Variants in CPLANE1 observed in about 807,000 individuals in gnomAD.
CPLANE1 encodes ciliogenesis and planar polarity effector complex subunit 1, also known as ciliogenesis and planar polarity effector 1.
A neutral mutation model predicts 362.5 loss-of-function variants in CPLANE1; 263 were observed. That is an observed-to-expected ratio of 0.73 (90% CI 0.66 to 0.80). The LOEUF is 0.80. Among genes scored for constraint, CPLANE1 ranks in the 30% least tolerant of loss-of-function variants. The pLI, the probability that CPLANE1 is intolerant of heterozygous loss-of-function variation, is 0.00. For synonymous variants in CPLANE1, 1,212 were observed against 1,302.6 expected (o/e 0.93, Z 1.50); for missense variants, 3,461 against 3,793.4 (o/e 0.91, Z 2.30).
intron 16 of CPLANE1, among the ~76,000 whole-genome samples, chr5:37,208,680 C>G (rs13356615): frequency 0.15 from 17,226 of 114,136 alleles, 1,233 homozygotes; most frequent in African/African-American, 0.23. Flanking sequence ...CTGTCTCCCC[C>G]CCCCCCCAAA....
At chr5:37,224,840 C>A in intron 12 of CPLANE1, 100 bp from the exon 13 acceptor site, 1 of 681,054 alleles carries the variant, frequency 1.5e-6, no homozygotes, top group Non-Finnish European at 2.5e-6. Flanking sequence ...TATTCTTCAT[C>A]GGTATAACAT....
rs138088605 is a variant in CPLANE1 at position 37,169,486 on chromosome 5, G to C, written c.6538C>G (p.Gln2180Glu). The change falls in exon 34 of 53, where the codon CAA (glutamine) becomes GAA (glutamate). Residue 2180 changes from glutamine (Q) to glutamate (E), a missense_variant. By Grantham distance (29) the Gln-to-Glu change is conservative (BLOSUM62 2). Around this residue, in one of 2 missense-constraint regions of CPLANE1, gnomAD observed 3,380 missense variants for 3,666.1 expected, o/e 0.92. Coordinates refer to ENST00000651892, the MANE Select transcript of CPLANE1 (RefSeq NM_001384732.1). ...TAAAACGAAGTGGATGGTAAGTTTT[G>C]AGATGATGGAATTGGTCCTTTTTTC... ...PRKKGPIPSSQNLPSTSFYPA... is the reference protein window; with the variant it reads ...PRKKGPIPSSENLPSTSFYPA... The C allele has an allele frequency of 2.1e-5, 34 of 1,613,962 alleles. No individual in the cohort carries two copies. Among genetic ancestry groups the C allele is most frequent in the African/African-American group, 5.3e-5 (4 of 74,898 alleles).
At chr5:37,140,412 T>C in intron 44 of CPLANE1, 12 of 984,966 alleles carry the variant, frequency 1.2e-5, no homozygotes, top group Non-Finnish European at 1.3e-5. Context: ...AATCTGGGCA[T>C]TTGTGGGTTA....
the CPLANE1 span, among the ~76,000 whole-genome samples, chr5:37,099,740 A>C: frequency 6.6e-6 from 1 of 152,186 alleles, no homozygotes; most frequent in South Asian, 2.1e-4. Flanking sequence ...CAATGGCTGA[A>C]CTAATTTACA....
chr5:37,153,929 A>G lies in CPLANE1; in HGVS notation c.8184T>C (p.Tyr2728=), dbSNP rs1774286814. Residue 2728 remains tyrosine, a synonymous_variant, in exon 42 of 53, where the codon TAT becomes TAC. Transcript: ENST00000651892. The part of the protein sequence containing the change: ...QSTKSDSAED[Y]LLWKRLQGVS... ...CACCTTGCAGCCGTTTCCACAATAG[A>G]TAATCTTCTGCAGAGTCTGACTTTG... 1 of 1,613,996 alleles carries G rather than the reference A, an allele frequency of 6.2e-7. No homozygotes were observed. The highest frequency in any genetic ancestry group is 1.3e-5 in the African/African-American group (1 of 74,906).
intron 35 of CPLANE1, 32 bp downstream of exon 35, chr5:37,167,015 T>C (rs567348321): frequency 1.3e-6 from 2 of 1,517,404 alleles, no homozygotes; most frequent in East Asian, 2.3e-5. Context: ...TGATATATGA[T>C]ATTATCAAAT....
chr5:37,245,338 TATATATATATATAC>T, intron 4 of CPLANE1, 127 bp downstream of exon 4: 1 of 87,462 alleles, frequency 1.1e-5, no homozygotes, highest in African/African-American at 5.3e-5. Flanking sequence ...TATATATATA[TATATATATATATAC>T]ACACACTCAG....
At chr5:37,177,472 C>A in intron 30 of CPLANE1, 149 bp downstream of exon 30, 1 of 627,312 alleles carries the variant, frequency 1.6e-6, no homozygotes, top group Non-Finnish European at 2.8e-6. Context: ...TACCAAAAAT[C>A]ATTTTACCAT....
chr5:37,208,304 T>C lies in CPLANE1; in HGVS notation c.2921-1879A>G, dbSNP rs1791415526. 2.0e-5 allele frequency among the ~76,000 whole-genome samples: 3 copies of C among 152,236 alleles called. No individual in the cohort carries two copies. In the South Asian group the frequency reaches 6.2e-4, roughly 31 times the overall value. On this transcript the variant is annotated intron_variant, in intron 16 of 52. Transcript: ENST00000651892. ...CGTTTCTCAAACACATCAAACTTGTTCTTGCCCTGGGGCTTTTACACAAAC... is the reference window on the plus strand; with the variant it reads ...CGTTTCTCAAACACATCAAACTTGTCCTTGCCCTGGGGCTTTTACACAAAC...
At chr5:37,181,249 A>G (rs1179851263) in intron 26 of CPLANE1, among the ~76,000 whole-genome samples, 1 of 152,214 alleles carries the variant, frequency 6.6e-6, no homozygotes, top group East Asian at 1.9e-4. Flanking sequence ...ACAAATTTGT[A>G]AGGCATATTG....
At chr5:37,102,960 G>A (rs901709845), downstream of CPLANE1, among the ~76,000 whole-genome samples, 1 of 152,148 alleles carries the variant, frequency 6.6e-6, no homozygotes, top group African/African-American at 2.4e-5. Flanking sequence ...TTAATTTTCT[G>A]TCTTGATGAT....
chr5:37,235,567 CTTTTT>C (rs546612161), intron 8 of CPLANE1, among the ~76,000 whole-genome samples: 3 of 93,360 alleles, frequency 3.2e-5, no homozygotes, highest in African/African-American at 1.4e-4. Context: ...TATCTAATTT[CTTTTT>C]TTTTTTTTTT....
At chr5:37,113,828 T>C (rs1309224959) in intron 51 of CPLANE1, among the ~76,000 whole-genome samples, 1 of 152,192 alleles carries the variant, frequency 6.6e-6, no homozygotes, top group African/African-American at 2.4e-5. Context: ...TTTTGTTTTG[T>C]TTTGAGACAG....
intron 18 of CPLANE1, among the ~76,000 whole-genome samples, chr5:37,204,363 C>T (rs146382682): frequency 4.6e-5 from 7 of 152,238 alleles, no homozygotes; most frequent in Admixed American, 2.6e-4. Flanking sequence ...ATTAAATATA[C>T]GACATTAAAT....
At chr5:37,115,786 C>T (rs574695941) in intron 50 of CPLANE1, among the ~76,000 whole-genome samples, 7 of 150,934 alleles carry the variant, frequency 4.6e-5, no homozygotes, top group East Asian at 2.0e-4. Flanking sequence ...TTAGTAGAGA[C>T]GGGGTTTCAC....
intron 18 of CPLANE1, among the ~76,000 whole-genome samples, chr5:37,203,807 TGCG>T (rs1789908585): frequency 6.6e-6 from 1 of 152,216 alleles, no homozygotes. Context: ...CATGAGCCAC[TGCG>T]CCTGGCTTCA....
At chr5:37,187,301 T>G (rs1580545036) in intron 23 of CPLANE1, 113 bp downstream of exon 23, 1 of 858,730 alleles carries the variant, frequency 1.2e-6, no homozygotes, top group East Asian at 2.7e-5. Context: ...CAAGATATTA[T>G]GCTAAGTGAA....
At chr5:37,181,819 G>A (rs913602203) in intron 26 of CPLANE1, among the ~76,000 whole-genome samples, 7 of 148,844 alleles carry the variant, frequency 4.7e-5, no homozygotes, top group Non-Finnish European at 8.9e-5. Context: ...TGGACCAGGC[G>A]CAGTGGCTCA....
intron 36 of CPLANE1, 67 bp from the exon 37 acceptor site, chr5:37,164,394 AT>A: frequency 1.7e-6 from 2 of 1,193,228 alleles, no homozygotes; most frequent in Non-Finnish European, 2.5e-6. Flanking sequence ...TGAAAAAAAA[AT>A]CAATAGCTAT....
Sources: allele counts gnomAD v4.1 joint callset (sites outside exome capture counted in the v4.1 genomes callset), GRCh38; gene constraint gnomAD v4.1.1; regional missense constraint gnomAD v4.1.1; transcripts MANE v1.5; gene names NCBI Gene and HGNC (gene_info 2026-07-23, HGNC 2026-07-21).